SNRNP70: variants seen among roughly 807,000 people sequenced by gnomAD.
The protein encoded by SNRNP70 is small nuclear ribonucleoprotein U1 subunit 70, also known as U1 small nuclear ribonucleoprotein 70 kDa.
In SNRNP70, 8 loss-of-function variants were observed where a neutral mutation model predicts 50.5. The ratio of observed to expected loss-of-function variants is 0.16; its 90% CI spans 0.09 to 0.29. The LOEUF is 0.29. Among genes scored for constraint, SNRNP70 ranks in the 10% least tolerant of loss-of-function variants. The probability of loss-of-function intolerance (pLI) is 1.00; values close to 1 mark genes in which losing one functional copy is unlikely to be tolerated. For missense variants in SNRNP70, 529 were observed against 663.5 expected (o/e 0.80, Z 2.23); for synonymous variants, 320 against 252.9 (o/e 1.27, Z -2.52).
chr19:49,100,806 CA>C (rs61621289), intron 6 of SNRNP70, among the ~76,000 whole-genome samples: 24,600 of 112,244 alleles, frequency 0.22, 1,809 homozygotes, highest in Admixed American at 0.28. Flanking sequence ...ACTCTGTCTC[CA>C]AAAAAAAAAA....
Position 49,108,028 on chromosome 19 carries a change from G to A in SNRNP70, c.899G>A (p.Arg300Gln). ...AGCAGCCGGAGTCGGGAGCGGGCCCGGCGGGAGCGGGAGCGCAAGGAGGAG... is the reference window on the plus strand; with the variant it reads ...AGCAGCCGGAGTCGGGAGCGGGCCCAGCGGGAGCGGGAGCGCAAGGAGGAG... ...RRSSRSRERA[R>Q]RERERKEELR... is the part of the protein sequence containing the mutation. Residue 300 changes from arginine to glutamine, a missense_variant, in exon 10 of 10, where the codon CGG becomes CAG. Coordinates refer to ENST00000598441, the MANE Select transcript of SNRNP70 (RefSeq NM_003089.6). The A allele has an allele frequency of 1.9e-6, 3 of 1,547,986 alleles. No homozygotes were observed. The highest frequency in any genetic ancestry group is 2.6e-6 in the Non-Finnish European group (3 of 1,146,524).
intron 4 of SNRNP70, among the ~76,000 whole-genome samples, chr19:49,092,978 C>T (rs1444732115): frequency 6.6e-6 from 1 of 150,736 alleles, no homozygotes; most frequent in African/African-American, 2.4e-5. Context: ...TGCCGTGGTG[C>T]AGTCATAGCT....
chr19:49,087,298 T>C (rs78011121), intron 2 of SNRNP70, among the ~76,000 whole-genome samples: 4,474 of 152,188 alleles, frequency 0.029, 91 homozygotes, highest in Middle Eastern at 0.062. Context: ...AGCTCTGACT[T>C]TGGGCAAATG....
rs1568424634 is a variant in SNRNP70 at position 49,108,069 on chromosome 19, G to GGC, written c.942_943dup (p.Asp315AlafsTer118). On this transcript the variant is annotated frameshift_variant, in exon 10 of 10. Transcript: ENST00000598441. LOFTEE classifies it high-confidence loss of function. ...CAAGGAGGAGCTGCGTGGCGGCGGTGGCGACATGGCGGAGCCCTCCGAGGC... is the reference window on the plus strand; with the variant it reads ...CAAGGAGGAGCTGCGTGGCGGCGGTGGCGCGACATGGCGGAGCCCTCCGAGGC... 1 of 1,553,344 alleles carries GGC rather than the reference G, an allele frequency of 6.4e-7. No homozygotes were observed. The highest frequency in any genetic ancestry group is 8.7e-7 in the Non-Finnish European group (1 of 1,149,728).
In SNRNP70 at chr19:49,108,139, C is replaced by G; in HGVS notation, c.1010C>G (p.Pro337Arg). The G allele has an allele frequency of 1.3e-6, 2 of 1,540,948 alleles. No homozygotes were observed. The highest frequency in any genetic ancestry group is 2.1e-5 in the Admixed American group (1 of 47,808). The change falls in exon 10 of 10, where the codon CCT (proline) becomes CGT (arginine). Residue 337 changes from proline to arginine, a missense_variant. Pro to Arg is a moderately radical substitution (Grantham distance 103, BLOSUM62 -2). Coordinates refer to ENST00000598441, the MANE Select transcript of SNRNP70 (RefSeq NM_003089.6). ...PDDGPPGELG[P>R]DGPDGPEEKG... ...GATGGGCCTCCAGGGGAGCTCGGGCCTGACGGCCCTGACGGTCCAGAGGAA... is the reference window on the plus strand; with the variant it reads ...GATGGGCCTCCAGGGGAGCTCGGGCGTGACGGCCCTGACGGTCCAGAGGAA...
chr19:49,092,412 C>A (rs1411807082), intron 4 of SNRNP70, among the ~76,000 whole-genome samples: 1 of 145,448 alleles, frequency 6.9e-6, no homozygotes, highest in Non-Finnish European at 1.5e-5. Context: ...TGGTCACCCC[C>A]CTCCTTTTTT....
chr19:49,086,885 T>A (rs889641845), intron 2 of SNRNP70, among the ~76,000 whole-genome samples: 12 of 151,236 alleles, frequency 7.9e-5, no homozygotes, highest in Middle Eastern at 3.2e-3. Flanking sequence ...AAAAAAATTT[T>A]TTTTTTAAGT....
chr19:49,094,980 G>A (rs1310089878), intron 4 of SNRNP70, among the ~76,000 whole-genome samples: 1 of 152,240 alleles, frequency 6.6e-6, no homozygotes, highest in African/African-American at 2.4e-5. Context: ...ACTTAGATGA[G>A]CCCTCAACCA....
At position 49,102,357 on chromosome 19, in the gene SNRNP70, G is replaced by A; in HGVS notation, c.475+886G>A. On this transcript the variant is annotated intron_variant, in intron 7 of 9. Coordinates refer to ENST00000598441, the MANE Select transcript of SNRNP70 (RefSeq NM_003089.6). ...TTGTCCCTCCTGCCCCGATCCGTAT[G>A]CTCTCTGAGAATCTTGCTGATCCCA... 4 of 334,360 alleles carry A rather than the reference G, an allele frequency of 1.2e-5. No homozygotes were observed. In the East Asian group the frequency reaches 2.4e-4, roughly 20 times the overall value. The allele number at this position is 334,360 out of a possible 1,614,324, so 20.7% of individuals were successfully genotyped here.
rs61732830 is a variant in SNRNP70 at position 49,085,484 on chromosome 19, A to G, written c.-163A>G. ...TCGGAGGCCGCGCGGGTGGCTGAGC[A>G]GCGGCCTGGTGCGCTCGCTTAGCGG... is the stretch of plus-strand genomic sequence containing the variant. On this transcript the variant is annotated 5_prime_UTR_variant, in exon 1 of 10. Coordinates refer to ENST00000598441, the MANE Select transcript of SNRNP70 (RefSeq NM_003089.6). The G allele has an allele frequency of 5.1e-3, 2,262 of 445,162 alleles. 12 individuals are homozygous for G. Among genetic ancestry groups the G allele is most frequent in the Middle Eastern group, 0.012 (35 of 3,030 alleles). The allele number at this position is 445,162 out of a possible 1,614,324, so 27.6% of individuals were successfully genotyped here.
At chr19:49,105,157 T>C (rs753304301) in intron 8 of SNRNP70, among the ~76,000 whole-genome samples, 9 of 152,090 alleles carry the variant, frequency 5.9e-5, no homozygotes, top group Non-Finnish European at 1.0e-4. Flanking sequence ...GTTCACTCTT[T>C]TACTGATTCA....
intron 4 of SNRNP70, 109 bp downstream of exon 4, chr19:49,090,629 C>A: frequency 9.5e-7 from 1 of 1,048,238 alleles, no homozygotes; most frequent in Non-Finnish European, 1.5e-6. Context: ...TTGTGGGGAA[C>A]AGGGTTGTTA....
chr19:49,106,781 G>A (rs1379550608), intron 8 of SNRNP70, among the ~76,000 whole-genome samples: 2 of 152,120 alleles, frequency 1.3e-5, no homozygotes, highest in Non-Finnish European at 2.9e-5. Context: ...CTGTGCCTTG[G>A]GGCTGTTCAT....
intron 4 of SNRNP70, 32 bp from the exon 5 acceptor site, chr19:49,098,395 T>G: frequency 6.3e-7 from 1 of 1,580,704 alleles, no homozygotes; most frequent in Non-Finnish European, 8.7e-7. Flanking sequence ...ATGGACACCT[T>G]CAACTTATAA....
intron 2 of SNRNP70, among the ~76,000 whole-genome samples, chr19:49,089,796 G>A (rs2040426148): frequency 6.6e-6 from 1 of 150,496 alleles, no homozygotes; most frequent in Non-Finnish European, 1.5e-5. Flanking sequence ...CCGAGTAGCT[G>A]GGACTACAGG....
chr19:49,102,934 G>C (rs1474272500), intron 7 of SNRNP70: 1 of 152,660 alleles, frequency 6.6e-6, no homozygotes, highest in African/African-American at 2.4e-5. Flanking sequence ...AACCCGAGCG[G>C]GGTTCCTTCG....
intron 6 of SNRNP70, among the ~76,000 whole-genome samples, chr19:49,099,709 A>C (rs530860955): frequency 3.3e-4 from 49 of 149,824 alleles, no homozygotes; most frequent in Non-Finnish European, 6.2e-4. Context: ...ACTGTACTCC[A>C]GCCTGGGCAA....
intron 2 of SNRNP70, among the ~76,000 whole-genome samples, chr19:49,088,493 C>A (rs537221071): frequency 7.8e-6 from 1 of 128,060 alleles, no homozygotes; most frequent in Admixed American, 7.9e-5. Flanking sequence ...GCCACCGCAC[C>A]CGACCTTTTT....
intron 2 of SNRNP70, among the ~76,000 whole-genome samples, chr19:49,088,878 A>G (rs1334259920): frequency 6.6e-6 from 1 of 152,060 alleles, no homozygotes; most frequent in Non-Finnish European, 1.5e-5. Context: ...TGGGCTTTGG[A>G]GCCCTGTTCT....
Sources: allele counts gnomAD v4.1 joint callset (sites outside exome capture counted in the v4.1 genomes callset), GRCh38; gene constraint gnomAD v4.1.1; transcripts MANE v1.5; gene names NCBI Gene and HGNC (gene_info 2026-07-23, HGNC 2026-07-21).